RGS20: variants seen among roughly 807,000 people sequenced by gnomAD.
RGS20 encodes gz-selective GTPase-activating protein.
Under a neutral mutation model 33.6 loss-of-function variants are expected in RGS20, and 30 were observed. The observed-to-expected ratio is 0.89, with a 90% confidence interval of 0.67 to 1.21. The LOEUF is 1.21. RGS20 is among the 50% of genes most tolerant of loss of function. The pLI, the probability that RGS20 is intolerant of heterozygous loss-of-function variation, is 0.00. For missense variants in RGS20, 472 were observed against 502.4 expected (o/e 0.94, Z 0.58); for synonymous variants, 208 against 197.9 (o/e 1.05, Z -0.43).
intron 2 of RGS20, among the ~76,000 whole-genome samples, chr8:53,922,763 C>T (rs996931847): frequency 8.5e-5 from 13 of 152,094 alleles, no homozygotes; most frequent in African/African-American, 3.1e-4. Context: ...CTGGGCTCAA[C>T]AGTCCTCCTG....
chr8:53,898,981 T>C (rs1272973464), intron 2 of RGS20, among the ~76,000 whole-genome samples: 1 of 152,234 alleles, frequency 6.6e-6, no homozygotes, highest in African/African-American at 2.4e-5. Context: ...AGGGAAACTA[T>C]TTTCATGGCA....
Position 53,879,379 on chromosome 8 carries a change from A to G in RGS20, c.287A>G (p.Glu96Gly). Residue 96 changes from glutamate to glycine, a missense_variant, in exon 2 of 6, where the codon GAG (glutamate) becomes GGG (glycine). Physicochemically the swap from Glu to Gly is moderately conservative, Grantham distance 98 (BLOSUM62 -2). Coordinates refer to ENST00000297313, the MANE Select transcript of RGS20 (RefSeq NM_170587.4). ...CACCTTCTCCGGCGACCCCCTCCCG[A>G]GGCTCCCCGGAGGCGCCTGGACTTC... The G allele has an allele frequency of 6.2e-7, 1 of 1,610,606 alleles. No individual in the cohort carries two copies. The highest frequency in any genetic ancestry group is 8.5e-7 in the Non-Finnish European group (1 of 1,179,640).
chr8:53,928,699 T>C (rs972081213), intron 2 of RGS20, among the ~76,000 whole-genome samples: 2 of 151,988 alleles, frequency 1.3e-5, no homozygotes, highest in Non-Finnish European at 2.9e-5. Context: ...GGTGCATGCC[T>C]GTAATCCTAG....
chr8:53,880,860 C>A lies in RGS20; in HGVS notation c.510+1258C>A. 3 of 1,414,726 alleles carry A rather than the reference C, an allele frequency of 2.1e-6. No individual in the cohort carries two copies. Among genetic ancestry groups the A allele is most frequent in the Non-Finnish European group, 2.8e-6 (3 of 1,082,002 alleles). The allele number at this position is 1,414,726 out of a possible 1,614,324, so 87.6% of individuals were successfully genotyped here. ...CGGCCGGGTAAAAGGAGTGAGGGGGCGGGGAGGAGGCAGAGCAAGGGGAGG... is the reference window on the plus strand; with the variant it reads ...CGGCCGGGTAAAAGGAGTGAGGGGGAGGGGAGGAGGCAGAGCAAGGGGAGG... On this transcript the variant is annotated intron_variant, in intron 2 of 5. Coordinates refer to ENST00000297313, the MANE Select transcript of RGS20 (RefSeq NM_170587.4).
intron 2 of RGS20, among the ~76,000 whole-genome samples, chr8:53,883,796 A>G (rs1294328154): frequency 6.6e-6 from 1 of 152,022 alleles, no homozygotes; most frequent in African/African-American, 2.4e-5. Flanking sequence ...AATACAAAAA[A>G]TTAGCCGGGT....
chr8:53,875,438 AAAAAAAAAAAAACC>A lies in RGS20; in HGVS notation c.166-3812_166-3799del, dbSNP rs1812180052. Among the ~76,000 whole-genome samples the A allele has an allele frequency of 2.7e-5, 4 of 148,874 alleles. No individual in the cohort carries two copies. The South Asian group carries it at 9.2e-4, about 34-fold the overall frequency. Reference sequence around the variant, plus strand: ...CAGAATAAGACTCTGTCAAAAAAAAAAAAAAAAAAAAACCAAAAAAACCAAAAAAACTAAAAAAC... The same window carrying A: ...CAGAATAAGACTCTGTCAAAAAAAAAAAAAAAACCAAAAAAACTAAAAAAC... On this transcript the variant is annotated intron_variant, in intron 1 of 5. Transcript: ENST00000297313.
intron 2 of RGS20, among the ~76,000 whole-genome samples, chr8:53,907,840 C>T (rs1023129164): frequency 1.3e-5 from 2 of 152,164 alleles, no homozygotes; most frequent in East Asian, 1.9e-4. Context: ...AAGGTCATTA[C>T]CGGCTACCGT....
chr8:53,883,186 C>T (rs1812446510), intron 2 of RGS20, among the ~76,000 whole-genome samples: 1 of 150,266 alleles, frequency 6.7e-6, no homozygotes. Context: ...GACTGAGTTT[C>T]GCTCTTGTGG....
At chr8:53,926,769 A>T (rs369067310) in intron 2 of RGS20, among the ~76,000 whole-genome samples, 394 of 152,042 alleles carry the variant, frequency 2.6e-3, no homozygotes, top group African/African-American at 8.7e-3. Context: ...AAAATTAGCC[A>T]GGTGTGGTGG....
intron 2 of RGS20, 120 bp downstream of exon 1, chr8:53,881,204 C>G (rs1022030827): frequency 4.3e-6 from 3 of 696,182 alleles, no homozygotes; most frequent in African/African-American, 4.2e-5. Context: ...AGGGTGTCGC[C>G]GTTGCTGCGG....
At chr8:53,856,552 T>G (rs889814860) in intron 1 of RGS20, among the ~76,000 whole-genome samples, 3 of 152,200 alleles carry the variant, frequency 2.0e-5, no homozygotes, top group Non-Finnish European at 4.4e-5. Context: ...TCAGGATTTT[T>G]GTTTCCTTTC....
At chr8:53,897,593 A>C (rs1812902786) in intron 2 of RGS20, among the ~76,000 whole-genome samples, 2 of 152,216 alleles carry the variant, frequency 1.3e-5, no homozygotes, top group Non-Finnish European at 2.9e-5. Flanking sequence ...ACATCATCTA[A>C]TGTGTAACCA....
chr8:53,911,619 G>A (rs540326041), intron 2 of RGS20, among the ~76,000 whole-genome samples: 5 of 152,290 alleles, frequency 3.3e-5, no homozygotes, highest in African/African-American at 9.6e-5. Flanking sequence ...AAGGTGTTAT[G>A]AGATTTGTCC....
intron 4 of RGS20, among the ~76,000 whole-genome samples, chr8:53,951,799 C>G (rs1218683255): frequency 6.6e-6 from 1 of 151,890 alleles, no homozygotes; most frequent in Non-Finnish European, 1.5e-5. Flanking sequence ...GGCGGATCAC[C>G]TGAGGTAGGG....
chr8:53,906,324 C>T (rs1219837563), intron 2 of RGS20, among the ~76,000 whole-genome samples: 1 of 151,704 alleles, frequency 6.6e-6, no homozygotes, highest in African/African-American at 2.4e-5. Flanking sequence ...TGCAGTGAGC[C>T]GAGACAGCAC....
Position 53,953,925 on chromosome 8 carries a change from G to T in RGS20, c.744-151G>T, listed in dbSNP as rs1322276195. Reference sequence around the variant, plus strand: ...CATGTGTTTTTCCCAAAGGTTTGAGGAAATGCGAACAGTTCTTTCCCTTCC... The same window carrying T: ...CATGTGTTTTTCCCAAAGGTTTGAGTAAATGCGAACAGTTCTTTCCCTTCC... On this transcript the variant is annotated intron_variant, in intron 4 of 5. Transcript: ENST00000297313. The T allele has an allele frequency of 1.8e-5, 12 of 671,624 alleles. No homozygotes were observed. In the East Asian group the frequency reaches 3.0e-4, roughly 17 times the overall value. 41.6% of individuals were successfully genotyped at this position (671,624 alleles called of 1,614,324 possible). A position where few individuals can be genotyped will look rare whatever the true frequency, so the allele number is the denominator to read the frequency against.
chr8:53,919,889 T>TTTTG (rs745901758), intron 2 of RGS20, among the ~76,000 whole-genome samples: 71 of 152,088 alleles, frequency 4.7e-4, no homozygotes, highest in Non-Finnish European at 6.0e-4. Flanking sequence ...TACTTAGATT[T>TTTTG]TTTGTTTGTT....
At position 53,879,405 on chromosome 8, in the gene RGS20, TC is replaced by T. The variant is rs747974681; in HGVS notation, c.319del (p.Leu107CysfsTer41). On this transcript the variant is annotated frameshift_variant, in exon 2 of 6. Transcript: ENST00000297313. LOFTEE classifies it high-confidence loss of function. Reference sequence around the variant, plus strand: ...GGCTCCCCGGAGGCGCCTGGACTTCTCCCCCCTGCTTCCCGCCCTGCCGGCC... The same window carrying T: ...GGCTCCCCGGAGGCGCCTGGACTTCTCCCCCTGCTTCCCGCCCTGCCGGCC... The T allele has an allele frequency of 5.0e-6, 8 of 1,609,388 alleles. No individual in the cohort carries two copies. The African/African-American group carries it at 5.4e-5, about 11-fold the overall frequency.
intron 2 of RGS20, among the ~76,000 whole-genome samples, chr8:53,921,641 T>G (rs1349000395): frequency 6.6e-6 from 1 of 152,098 alleles, no homozygotes; most frequent in Non-Finnish European, 1.5e-5. Flanking sequence ...GGCATACAGT[T>G]GTTCACAGTA....
Sources: allele counts gnomAD v4.1 joint callset (sites outside exome capture counted in the v4.1 genomes callset), GRCh38; gene constraint gnomAD v4.1.1; transcripts MANE v1.5; gene names NCBI Gene and HGNC (gene_info 2026-07-23, HGNC 2026-07-21).